Variants in MRPS22 observed in about 807,000 individuals in gnomAD.
MRPS22 encodes mitochondrial ribosomal protein S22, also known as small ribosomal subunit protein mS22.
MRPS22 carries 30 observed loss-of-function variants against 44.0 expected under a neutral mutation model. That is an observed-to-expected ratio of 0.68 (90% CI 0.51 to 0.93). The LOEUF is 0.93. Ranked by LOEUF, MRPS22 falls within the 40% of genes least tolerant of loss-of-function variation. The probability of loss-of-function intolerance (pLI) is 0.00; values close to 1 mark genes in which losing one functional copy is unlikely to be tolerated. For synonymous variants in MRPS22, 165 were observed against 154.4 expected (o/e 1.07, Z -0.51); for missense variants, 447 against 447.8 (o/e 1.00, Z 0.02).
At chr3:139,356,861 A>G (rs921298526) in intron 7 of MRPS22, 58 bp from the exon 8 acceptor site, 1 of 1,307,398 alleles carries the variant, frequency 7.6e-7, no homozygotes, top group Non-Finnish European at 1.1e-6. Context: ...TAAAACTGAA[A>G]AACTTTATAA....
In MRPS22 at chr3:139,347,059, G is replaced by C; in HGVS notation, c.339+15G>C. On this transcript the variant is annotated intron_variant, in intron 2 of 7. Coordinates refer to ENST00000680020, the MANE Select transcript of MRPS22 (RefSeq NM_020191.4). ...AGTTGGAAGAGGTACGTGAATGCAG[G>C]AATATTGTTAGAATACCTTTCTTTA... 1.9e-6 allele frequency: 3 copies of C among 1,613,974 alleles called. No individual in the cohort carries two copies. The highest frequency in any genetic ancestry group is 2.5e-6 in the Non-Finnish European group (3 of 1,179,864).
At chr3:139,347,393 G>A (rs2107787539) in intron 2 of MRPS22, among the ~76,000 whole-genome samples, 3 of 152,238 alleles carry the variant, frequency 2.0e-5, no homozygotes, top group Admixed American at 2.0e-4. Flanking sequence ...GGGAGATTGT[G>A]AGATCCTGCA....
At chr3:139,352,158 A>G in intron 5 of MRPS22, 1 of 170,516 alleles carries the variant, frequency 5.9e-6, no homozygotes, top group Non-Finnish European at 1.3e-5. Context: ...AATAAATTGT[A>G]GTTGGCCTGC....
rs1941050740 is a variant in MRPS22 at position 139,347,016 on chromosome 3, A to C, written c.311A>C (p.Lys104Thr). 1 of 1,614,104 alleles carries C rather than the reference A, an allele frequency of 6.2e-7. No individual in the cohort carries two copies. The highest frequency in any genetic ancestry group is 1.1e-5 in the South Asian group (1 of 91,092). Residue 104 changes from lysine (K) to threonine (T), a missense_variant, in exon 2 of 8, where the codon AAG becomes ACG. Physicochemically the swap from Lys to Thr is moderately conservative, Grantham distance 78. Coordinates refer to ENST00000680020, the MANE Select transcript of MRPS22 (RefSeq NM_020191.4). ...CAAGAACTGAAGCCACCAACCTATA[A>C]GCTAATGACTCAGGCACAGTTGGAA... is the stretch of plus-strand genomic sequence containing the variant. The part of the protein sequence containing the change: ...AIQELKPPTY[K>T]LMTQAQLEEA...
At chr3:139,354,882 T>C (rs1576365329) in intron 6 of MRPS22, among the ~76,000 whole-genome samples, 1 of 152,134 alleles carries the variant, frequency 6.6e-6, no homozygotes, top group Non-Finnish European at 1.5e-5. Flanking sequence ...CCTCCAGCGA[T>C]GAGATGGCAA....
intron 1 of MRPS22, among the ~76,000 whole-genome samples, chr3:139,346,158 C>T (rs1941035223): frequency 6.6e-6 from 1 of 152,186 alleles, no homozygotes; most frequent in Non-Finnish European, 1.5e-5. Flanking sequence ...GTATCATGTC[C>T]AGTGAACCAA....
At chr3:139,344,307 T>G in intron 1 of MRPS22, 109 bp downstream of exon 1, 3 of 1,191,592 alleles carry the variant, frequency 2.5e-6, no homozygotes, top group South Asian at 1.3e-5. Flanking sequence ...TCCTAGCGCT[T>G]CCTCAGATTC....
chr3:139,349,205 G>C (rs897352288), intron 3 of MRPS22: 8 of 408,802 alleles, frequency 2.0e-5, no homozygotes, highest in Non-Finnish European at 3.3e-5. Flanking sequence ...ATGTTGGTTG[G>C]GAAGCATTTT....
chr3:139,350,109 C>A (rs1239794073), intron 3 of MRPS22, 70 bp from the exon 4 acceptor site: 12 of 1,552,492 alleles, frequency 7.7e-6, no homozygotes, highest in Admixed American at 6.7e-5. Flanking sequence ...CTTATAATGG[C>A]CTTAGTGGGA....
At chr3:139,356,218 G>A (rs1468981276) in intron 7 of MRPS22, among the ~76,000 whole-genome samples, 2 of 152,230 alleles carry the variant, frequency 1.3e-5, no homozygotes, top group Non-Finnish European at 2.9e-5. Flanking sequence ...GTGTCAAGAA[G>A]TGGAGAGTGT....
At position 139,357,106 on chromosome 3, in the gene MRPS22, G is replaced by T. The variant is rs956146100; in HGVS notation, c.*92G>T. On this transcript the variant is annotated 3_prime_UTR_variant, in exon 8 of 8. Coordinates refer to ENST00000680020, the MANE Select transcript of MRPS22 (RefSeq NM_020191.4). The stretch of plus-strand genomic sequence containing the variant: ...ATGTTAAAAAATGGCCAGATTAAAA[G>T]ATATCAATTTGTAGTTCTCCCTACA... The T allele has an allele frequency of 2.8e-6, 3 of 1,085,250 alleles. No individual in the cohort carries two copies. Among genetic ancestry groups the T allele is most frequent in the East Asian group, 5.2e-5 (2 of 38,474 alleles). The allele number at this position is 1,085,250 out of a possible 1,614,324, so 67.2% of individuals were successfully genotyped here. A position where few individuals can be genotyped will look rare whatever the true frequency, so the allele number is the denominator to read the frequency against.
At chr3:139,352,559 G>A in intron 5 of MRPS22, 88 bp from the exon 6 acceptor site, 5 of 1,203,786 alleles carry the variant, frequency 4.2e-6, no homozygotes, top group Non-Finnish European at 6.1e-6. Flanking sequence ...ACTTGCTTGG[G>A]CAGCACTCAT....
chr3:139,344,102 C>T lies in MRPS22; in HGVS notation c.76C>T (p.Arg26Trp), dbSNP rs1243084929. Residue 26 changes from arginine to tryptophan, a missense_variant, in exon 1 of 8, where the codon CGG becomes TGG. Coordinates refer to ENST00000680020, the MANE Select transcript of MRPS22 (RefSeq NM_020191.4). ...TCCGGGCGTGGAACGGGTCTGTTTC[C>T]GGGCTCGAATCCAGCCCTGGCACGG... The part of the protein sequence containing the change: ...SSPGVERVCF[R>W]ARIQPWHGGL... 3 of 1,614,156 alleles carry T rather than the reference C, an allele frequency of 1.9e-6. No individual in the cohort carries two copies. The highest frequency in any genetic ancestry group is 2.5e-6 in the Non-Finnish European group (3 of 1,180,028).
intron 4 of MRPS22, 195 bp from the exon 5 acceptor site, chr3:139,350,782 A>G (rs533607851): frequency 1.6e-6 from 1 of 633,450 alleles, no homozygotes; most frequent in African/African-American, 1.8e-5. Context: ...GATGGGTTGT[A>G]CTAGGGTTCT....
At chr3:139,352,835 C>T in intron 6 of MRPS22, 43 bp downstream of exon 6, 1 of 1,588,588 alleles carries the variant, frequency 6.3e-7, no homozygotes, top group Middle Eastern at 1.8e-4. Flanking sequence ...TCTTATTGCT[C>T]TAACAGTTCA....
At chr3:139,350,903 G>A in intron 4 of MRPS22, 74 bp from the exon 5 acceptor site, 1 of 1,159,076 alleles carries the variant, frequency 8.6e-7, no homozygotes, top group Non-Finnish European at 1.3e-6. Context: ...GGGTGGGCAG[G>A]CCTGTCATGA....
rs1454831352 is a variant in MRPS22 at position 139,350,176 on chromosome 3, T to C, written c.505-3T>C. The C allele has an allele frequency of 6.2e-7, 1 of 1,613,998 alleles. No individual in the cohort carries two copies. Among genetic ancestry groups the C allele is most frequent in the African/African-American group, 1.3e-5 (1 of 74,930 alleles). On this transcript the variant is annotated splice_region_variant and splice_polypyrimidine_tract_variant and intron_variant, in intron 3 of 7. Transcript: ENST00000680020. ...CATCCTTGATTATGTTTTTCTATTT[T>C]AGGAGCGTTTTATTGTCGTCAGAGA...
Position 139,344,430 on chromosome 3 carries a change from G to A in MRPS22, c.172+232G>A, listed in dbSNP as rs115057066. ...CGCTCCGTGCAGAGCACTGTGCTAAGCTCTGTGGGATATGGCAAACTAAGA... is the reference window on the plus strand; with the variant it reads ...CGCTCCGTGCAGAGCACTGTGCTAAACTCTGTGGGATATGGCAAACTAAGA... On this transcript the variant is annotated intron_variant, in intron 1 of 7. Coordinates refer to ENST00000680020, the MANE Select transcript of MRPS22 (RefSeq NM_020191.4). 1.1e-3 allele frequency: 680 copies of A among 626,448 alleles called. 4 individuals carry two copies. The African/African-American group carries it at 0.011, about 10-fold the overall frequency. 38.8% of individuals were successfully genotyped at this position (626,448 alleles called of 1,614,324 possible).
In MRPS22 at chr3:139,348,331, A is replaced by T. The variant is rs750915924; in HGVS notation, c.504+7A>T. On this transcript the variant is annotated splice_region_variant and intron_variant, in intron 3 of 7. Transcript: ENST00000680020. ...ATATAGCATACCACACCGGGTGAGT[A>T]TATGTCTAATCGCAAAATGATCTTT... 6.2e-7 allele frequency: 1 copy of T among 1,613,296 alleles called. No individual in the cohort carries two copies. The highest frequency in any genetic ancestry group is 8.5e-7 in the Non-Finnish European group (1 of 1,179,504).
Sources: gnomAD v4.1 joint callset for allele counts (sites outside exome capture counted in the v4.1 genomes callset) on GRCh38, gnomAD v4.1.1 for gene constraint, MANE v1.5 for transcripts, NCBI Gene and HGNC (gene_info 2026-07-23, HGNC 2026-07-21) for gene names.